The following ABCC2 variants were observed in gnomAD, a reference collection of about 807,000 sequenced individuals.
ABCC2 encodes ATP binding cassette subfamily C member 2.
ABCC2 carries 157 observed loss-of-function variants against 173.4 expected under a neutral mutation model. The observed-to-expected ratio is 0.91, with a 90% CI of 0.80 to 1.03. The LOEUF (loss-of-function observed/expected upper bound fraction) is 1.03, where lower values mean the gene tolerates loss of function less well. Ranked by LOEUF, ABCC2 falls within the 50% of genes least tolerant of loss-of-function variation. The pLI, the probability that ABCC2 is intolerant of heterozygous loss-of-function variation, is 0.00. For synonymous variants in ABCC2, 657 were observed against 693.5 expected (o/e 0.95, Z 0.83); for missense variants, 1,822 against 1,852.3 (o/e 0.98, Z 0.30).
At chr10:99,836,876 G>T (rs1417733199) in intron 25 of ABCC2, among the ~76,000 whole-genome samples, 1 of 152,166 alleles carries the variant, frequency 6.6e-6, no homozygotes, top group East Asian at 1.9e-4. Flanking sequence ...CTGGAAAGAG[G>T]AAGATCTTTT....
chr10:99,797,437 C>T, intron 7 of ABCC2, 106 bp downstream of exon 7: 3 of 931,322 alleles, frequency 3.2e-6, no homozygotes, highest in Non-Finnish European at 5.1e-6. Flanking sequence ...CTTCATACTT[C>T]TCAGTGCACT....
chr10:99,844,543 C>T, intron 28 of ABCC2, 78 bp downstream of exon 28: 1 of 1,575,248 alleles, frequency 6.3e-7, no homozygotes, highest in Non-Finnish European at 8.6e-7. Flanking sequence ...AGCAGCTGGG[C>T]CCTAAGCCTT....
intron 25 of ABCC2, among the ~76,000 whole-genome samples, chr10:99,837,454 TTTTTTC>T (rs1355058528): frequency 1.2e-4 from 2 of 16,604 alleles, no homozygotes; most frequent in Admixed American, 6.8e-4. Flanking sequence ...GTCCATTCTT[TTTTTTC>T]TTTTTTTTTT....
At position 99,814,525 on chromosome 10, in the gene ABCC2, A is replaced by ATATATACACATATACACACACATATGTG. The variant is rs1209698206; in HGVS notation, c.2094+1458_2094+1485dup. ...TGTGTGTGTATGTGTATATATACAT[A>ATATATACACATATACACACACATATGTG]TATATACACATATACACACACATAT... On this transcript the variant is annotated intron_variant, in intron 16 of 31. Coordinates refer to ENST00000647814, the MANE Select transcript of ABCC2 (RefSeq NM_000392.5). Among the ~76,000 whole-genome samples, 4 of 24,396 alleles carry ATATATACACATATACACACACATATGTG rather than the reference A, an allele frequency of 1.6e-4. 1 individual carries two copies. The highest frequency in any genetic ancestry group is 3.8e-4 in the Admixed American group (1 of 2,656). 16.0% of individuals were successfully genotyped at this position (24,396 alleles called of 152,430 possible).
intron 13 of ABCC2, 28 bp downstream of exon 13, chr10:99,808,257 C>A (rs1201124553): frequency 6.2e-7 from 1 of 1,613,178 alleles, no homozygotes; most frequent in Non-Finnish European, 8.5e-7. Flanking sequence ...CTGCTAACTC[C>A]CTGTCTCTGG....
intron 21 of ABCC2, 34 bp downstream of exon 21, chr10:99,830,885 G>A: frequency 6.2e-7 from 1 of 1,612,992 alleles, no homozygotes; most frequent in African/African-American, 1.3e-5. Flanking sequence ...CATTTGAGGT[G>A]TTATAAGGTT....
chr10:99,841,806 T>C (rs1405394552), intron 25 of ABCC2, among the ~76,000 whole-genome samples, 161 bp from the exon 26 acceptor site: 1 of 152,224 alleles, frequency 6.6e-6, no homozygotes, highest in African/African-American at 2.4e-5. Flanking sequence ...ATCAATAGGC[T>C]TTTAGGAATA....
In ABCC2 at chr10:99,831,724, G is replaced by A. The variant is rs572224582; in HGVS notation, c.2997G>A (p.Trp999Ter). 11 of 1,614,112 alleles carry A rather than the reference G, an allele frequency of 6.8e-6. No homozygotes were observed. The South Asian group carries it at 1.1e-4, about 16-fold the overall frequency. Reference protein sequence around the residue: ...NSVAFIGSNLWLSAWTSDSKI... With the variant: ...NSVAFIGSNL ...TGGCTTTTATTGGATCCAACCTCTG[G>A]CTCAGTGCTTGGACCAGTGACTCTA... The change falls in exon 22 of 32, where the codon TGG (tryptophan) becomes TGA (stop). Residue 999 changes from tryptophan to a stop codon, truncating the protein, a stop_gained. Coordinates refer to ENST00000647814, the MANE Select transcript of ABCC2 (RefSeq NM_000392.5). LOFTEE classifies it high-confidence loss of function.
chr10:99,819,668 C>T (rs182663987), intron 19 of ABCC2, among the ~76,000 whole-genome samples: 3 of 152,330 alleles, frequency 2.0e-5, no homozygotes, highest in East Asian at 1.9e-4. Context: ...ACCACTTCCT[C>T]GACAGCTTCA....
intron 9 of ABCC2, among the ~76,000 whole-genome samples, chr10:99,800,901 A>G (rs538886058): frequency 6.6e-6 from 1 of 152,316 alleles, no homozygotes; most frequent in East Asian, 1.9e-4. Context: ...GGAAAAGAAT[A>G]TAAGGTCAGA....
intron 6 of ABCC2, among the ~76,000 whole-genome samples, chr10:99,794,937 C>T (rs2037872998): frequency 6.6e-6 from 1 of 152,158 alleles, no homozygotes; most frequent in Non-Finnish European, 1.5e-5. Flanking sequence ...TTAATCCAAG[C>T]CCTCCATTGG....
At chr10:99,824,689 C>T (rs1453422099) in intron 19 of ABCC2, among the ~76,000 whole-genome samples, 2 of 152,228 alleles carry the variant, frequency 1.3e-5, no homozygotes, top group African/African-American at 2.4e-5. Flanking sequence ...TCCTTTAGAT[C>T]AATTATAATT....
At chr10:99,842,152 G>A in intron 26 of ABCC2, 59 bp downstream of exon 26, 1 of 1,608,134 alleles carries the variant, frequency 6.2e-7, no homozygotes, top group East Asian at 2.2e-5. Context: ...AATTAAGCCT[G>A]ATGTATACTG....
chr10:99,783,076 T>A (rs950374862), intron 1 of ABCC2, among the ~76,000 whole-genome samples, 199 bp downstream of exon 1: 12 of 152,226 alleles, frequency 7.9e-5, no homozygotes, highest in Admixed American at 7.2e-4. Context: ...AATTATTCTC[T>A]GTCATATGTT....
In ABCC2 at chr10:99,835,832, A is replaced by G. The variant is rs544355179; in HGVS notation, c.3415-259A>G. Among the ~76,000 whole-genome samples, 6 of 152,018 alleles carry G rather than the reference A, an allele frequency of 3.9e-5. No homozygotes were observed. In the East Asian group the frequency reaches 1.2e-3, roughly 29 times the overall value. On this transcript the variant is annotated intron_variant, in intron 24 of 31. Transcript: ENST00000647814. ...ACGGAACTCCTTAGGAGGTTTGGAG[A>G]CTCAAAGCTCTGAGGCTGCAGTGTG...
intron 11 of ABCC2, among the ~76,000 whole-genome samples, chr10:99,807,137 T>C (rs557480311): frequency 5.2e-5 from 8 of 152,394 alleles, no homozygotes; most frequent in African/African-American, 1.9e-4. Context: ...GGCAGCCCTT[T>C]AGTCCCAGGC....
At chr10:99,802,402 G>A (rs1327482973) in intron 9 of ABCC2, among the ~76,000 whole-genome samples, 3 of 152,114 alleles carry the variant, frequency 2.0e-5, no homozygotes, top group Admixed American at 1.3e-4. Flanking sequence ...CACATAGCCA[G>A]GAGTTGTCCC....
chr10:99,851,774 C>A lies in ABCC2; in HGVS notation c.*143C>A. 1 of 803,878 alleles carries A rather than the reference C, an allele frequency of 1.2e-6. No homozygotes were observed. Among genetic ancestry groups the A allele is most frequent in the Non-Finnish European group, 1.9e-6 (1 of 536,504 alleles). 49.8% of individuals were successfully genotyped at this position (803,878 alleles called of 1,614,324 possible). A position where few individuals can be genotyped will look rare whatever the true frequency, so the allele number is the denominator to read the frequency against. On this transcript the variant is annotated 3_prime_UTR_variant, in exon 32 of 32. Coordinates refer to ENST00000647814, the MANE Select transcript of ABCC2 (RefSeq NM_000392.5). ...TAAGTGAACACCCATGAACCTACTA[C>A]CCAGGTTAAGAAAATAAATGTCACC...
chr10:99,833,285 G>A (rs1002036187), intron 23 of ABCC2, among the ~76,000 whole-genome samples: 14 of 152,186 alleles, frequency 9.2e-5, no homozygotes, highest in Non-Finnish European at 1.3e-4. Context: ...ATTTCTCATA[G>A]TAATTTTGTA....
Sources: gnomAD v4.1 joint callset for allele counts (sites outside exome capture counted in the v4.1 genomes callset) on GRCh38, gnomAD v4.1.1 for gene constraint, MANE v1.5 for transcripts, NCBI Gene and HGNC (gene_info 2026-07-23, HGNC 2026-07-21) for gene names.